LRMDA: variants seen among roughly 807,000 people sequenced by gnomAD.
The protein encoded by LRMDA is leucine rich melanocyte differentiation associated.
LRMDA carries 18 observed loss-of-function variants against 29.8 expected under a neutral mutation model. That is an observed-to-expected ratio of 0.60 (90% CI 0.42 to 0.90). The LOEUF is 0.90. Ranked by LOEUF, LRMDA falls within the 40% of genes least tolerant of loss-of-function variation. LRMDA has a pLI of 0.00. For synonymous variants in LRMDA, 125 were observed against 109.4 expected, an observed-to-expected ratio of 1.14 and a Z score of -0.89; for missense variants, 273 against 273.9, an observed-to-expected ratio of 1.00 and a Z score of 0.02.
chr10:76,432,213 G>T (rs566954387), intron 6 of LRMDA, among the ~76,000 whole-genome samples: 1 of 152,110 alleles, frequency 6.6e-6, no homozygotes, highest in Non-Finnish European at 1.5e-5. Flanking sequence ...CTGAAATGTC[G>T]TGGGTGTGGG....
intron 6 of LRMDA, among the ~76,000 whole-genome samples, chr10:76,411,050 G>A (rs1339961639): frequency 6.6e-6 from 1 of 151,986 alleles, no homozygotes; most frequent in Non-Finnish European, 1.5e-5. Context: ...TCATGCAAGA[G>A]ATGTTTGTCA....
At chr10:75,731,208 G>A (rs1395316546) in intron 2 of LRMDA, among the ~76,000 whole-genome samples, 2 of 152,198 alleles carry the variant, frequency 1.3e-5, no homozygotes, top group African/African-American at 4.8e-5. Context: ...AAACAGAGCA[G>A]ACATACCAGG....
At chr10:76,345,241 TA>T (rs1318547796) in intron 6 of LRMDA, among the ~76,000 whole-genome samples, 1 of 144,690 alleles carries the variant, frequency 6.9e-6, no homozygotes, top group East Asian at 2.3e-4. Context: ...TAATTTTTTG[TA>T]TTTTTTTTTT....
intron 5 of LRMDA, among the ~76,000 whole-genome samples, chr10:76,148,096 C>G (rs1222573495): frequency 1.3e-5 from 2 of 152,218 alleles, no homozygotes; most frequent in Non-Finnish European, 2.9e-5. Flanking sequence ...TCTGCCCCTA[C>G]TGGGGGGTGC....
intron 5 of LRMDA, among the ~76,000 whole-genome samples, chr10:76,146,269 C>T (rs1398361816): frequency 6.6e-6 from 1 of 151,940 alleles, no homozygotes; most frequent in African/African-American, 2.4e-5. Flanking sequence ...TCTCGTTGAT[C>T]TGTCTAATGT....
At chr10:75,600,179 A>G (rs924877826) in intron 2 of LRMDA, among the ~76,000 whole-genome samples, 2 of 152,116 alleles carry the variant, frequency 1.3e-5, no homozygotes, top group South Asian at 2.1e-4. Context: ...TTTCCCCCCA[A>G]GTAAGTCTGT....
intron 2 of LRMDA, among the ~76,000 whole-genome samples, chr10:75,605,231 G>A (rs1840941336): frequency 6.6e-6 from 1 of 152,178 alleles, no homozygotes; most frequent in Non-Finnish European, 1.5e-5. Context: ...GATTATGAGT[G>A]GCTTCTTTAT....
rs149063840 is a variant in LRMDA at position 76,262,822 on chromosome 10, G to A, written c.517-61579G>A. On this transcript the variant is annotated intron_variant, in intron 5 of 6. Transcript: ENST00000611255. Reference sequence around the variant, plus strand: ...TTACCAGGGTAAGTCATGCTGGCCAGGGTGACTTGTGACACTCTGTTTCCA... The same window carrying A: ...TTACCAGGGTAAGTCATGCTGGCCAAGGTGACTTGTGACACTCTGTTTCCA... Among the ~76,000 whole-genome samples, 8 of 152,360 alleles carry A rather than the reference G, an allele frequency of 5.3e-5. No homozygotes were observed. The East Asian group carries it at 1.5e-3, about 29-fold the overall frequency.
chr10:75,916,166 G>GTA (rs1845928799), intron 2 of LRMDA, among the ~76,000 whole-genome samples: 1 of 69,770 alleles, frequency 1.4e-5, no homozygotes, highest in African/African-American at 4.2e-5. Context: ...CCAGGCCTAT[G>GTA]TGTGTGTGTG....
At chr10:75,764,286 C>T (rs1843133372) in intron 2 of LRMDA, among the ~76,000 whole-genome samples, 1 of 152,156 alleles carries the variant, frequency 6.6e-6, no homozygotes. Flanking sequence ...TTCAGCCACA[C>T]AGACTAAATG....
At chr10:76,523,800 C>A (rs1334905825) in intron 6 of LRMDA, among the ~76,000 whole-genome samples, 2 of 152,176 alleles carry the variant, frequency 1.3e-5, no homozygotes, top group African/African-American at 2.4e-5. Flanking sequence ...TTTTGACGTT[C>A]CTTCCCTGCT....
intron 5 of LRMDA, among the ~76,000 whole-genome samples, chr10:76,173,520 A>G (rs1161746162): frequency 1.3e-5 from 2 of 152,356 alleles, no homozygotes; most frequent in South Asian, 2.1e-4. Flanking sequence ...GTAAATATCA[A>G]TGATGTTGAA....
At chr10:75,751,743 A>G (rs545340380) in intron 2 of LRMDA, among the ~76,000 whole-genome samples, 3 of 151,742 alleles carry the variant, frequency 2.0e-5, no homozygotes, top group Admixed American at 1.3e-4. Flanking sequence ...CCCCTTTCAG[A>G]CCCATCAACA....
At chr10:76,342,443 T>C (rs1260533457) in intron 6 of LRMDA, among the ~76,000 whole-genome samples, 1 of 151,552 alleles carries the variant, frequency 6.6e-6, no homozygotes, top group East Asian at 1.9e-4. Context: ...TAAGCAAAAA[T>C]TGTAAAAGAT....
At chr10:76,454,689 G>A (rs1842440057) in intron 6 of LRMDA, among the ~76,000 whole-genome samples, 1 of 145,144 alleles carries the variant, frequency 6.9e-6, no homozygotes, top group East Asian at 2.0e-4. Flanking sequence ...GGCCAGATGT[G>A]TGGATTCCCC....
intron 6 of LRMDA, among the ~76,000 whole-genome samples, chr10:76,471,143 A>G (rs1310181153): frequency 6.6e-6 from 1 of 151,822 alleles, no homozygotes; most frequent in Non-Finnish European, 1.5e-5. Context: ...AGAATCAGAA[A>G]TGATAAATAG....
intron 5 of LRMDA, among the ~76,000 whole-genome samples, chr10:76,064,391 C>T (rs1403603401): frequency 1.3e-5 from 2 of 152,144 alleles, no homozygotes; most frequent in Non-Finnish European, 2.9e-5. Context: ...CCCACCTGCT[C>T]ATATTAGGGC....
At chr10:76,233,200 C>A (rs376843613) in intron 5 of LRMDA, among the ~76,000 whole-genome samples, 11 of 152,050 alleles carry the variant, frequency 7.2e-5, no homozygotes. Flanking sequence ...ACAAAAATTG[C>A]AATAAAGCAA....
At chr10:76,109,443 C>G (rs1849540078) in intron 5 of LRMDA, among the ~76,000 whole-genome samples, 1 of 152,184 alleles carries the variant, frequency 6.6e-6, no homozygotes, top group Admixed American at 6.5e-5. Context: ...TCTGGGGAAA[C>G]AGAGTCATTT....
Sources: allele counts gnomAD v4.1 joint callset (sites outside exome capture counted in the v4.1 genomes callset), GRCh38; gene constraint gnomAD v4.1.1; transcripts MANE v1.5; gene names NCBI Gene and HGNC (gene_info 2026-07-23, HGNC 2026-07-21).